Variants in LOXHD1 observed in about 807,000 individuals in gnomAD.
The protein encoded by LOXHD1 is lipoxygenase homology PLAT domains 1.
Under a neutral mutation model 248.2 loss-of-function variants are expected in LOXHD1, and 205 were observed. The observed-to-expected ratio is 0.83, with a 90% CI of 0.74 to 0.93. The LOEUF (loss-of-function observed/expected upper bound fraction) is 0.93, where lower values mean the gene tolerates loss of function less well. Ranked by LOEUF, LOXHD1 falls within the 40% of genes least tolerant of loss-of-function variation. The probability of loss-of-function intolerance (pLI) is 0.00; values close to 1 mark genes in which losing one functional copy is unlikely to be tolerated. For synonymous variants in LOXHD1, 1,113 were observed against 1,162.8 expected (o/e 0.96, Z 0.87); for missense variants, 2,930 against 2,971.6 (o/e 0.99, Z 0.33).
At position 46,494,851 on chromosome 18, in the gene LOXHD1, T is replaced by C. The variant is rs1200482552; in HGVS notation, c.5879-5709A>G. 1.1e-3 allele frequency among the ~76,000 whole-genome samples: 77 copies of C among 70,214 alleles called. No homozygotes were observed. In the East Asian group the frequency reaches 0.029, roughly 27 times the overall value. 46.1% of individuals were successfully genotyped at this position (70,214 alleles called of 152,430 possible). A position where few individuals can be genotyped will look rare whatever the true frequency, so the allele number is the denominator to read the frequency against. ...TTCTTTCTCCTTTTTCTCTCTCTCT[T>C]TTTTTTTTTTTTTTTTTTTTGAGAC... On this transcript the variant is annotated intron_variant, in intron 37 of 40. Transcript: ENST00000642948.
chr18:46,648,073 A>C (rs113857962), intron 2 of LOXHD1, among the ~76,000 whole-genome samples: 1,907 of 152,286 alleles, frequency 0.013, 32 homozygotes, highest in African/African-American at 0.044. Context: ...CCTTGCCAAC[A>C]TGGTGAAACC....
Position 46,593,667 on chromosome 18 carries a change from C to G in LOXHD1, c.1364G>C (p.Arg455Pro). The change falls in exon 10 of 41, where the codon CGG (arginine) becomes CCG (proline). Residue 455 changes from arginine (R) to proline (P), a missense_variant. Transcript: ENST00000642948. Reference sequence around the variant, plus strand: ...GGGATTCAGGAGAATCTCATCTGTCCGCCCCTTCTGCCCATAAATCTGGAT... The same window carrying G: ...GGGATTCAGGAGAATCTCATCTGTCGGCCCCTTCTGCCCATAAATCTGGAT... ...IFIQIYGQKG[R>P]TDEILLNPNN... 6.4e-7 allele frequency: 1 copy of G among 1,552,260 alleles called. No individual in the cohort carries two copies. Among genetic ancestry groups the G allele is most frequent in the Non-Finnish European group, 8.7e-7 (1 of 1,147,102 alleles).
intron 14 of LOXHD1, among the ~76,000 whole-genome samples, chr18:46,576,480 C>A (rs1465110922): frequency 6.6e-6 from 1 of 152,140 alleles, no homozygotes; most frequent in African/African-American, 2.4e-5. Flanking sequence ...CATGCCATTT[C>A]TTCAGCCTAG....
chr18:46,499,278 G>C (rs2034075271), intron 37 of LOXHD1, among the ~76,000 whole-genome samples: 1 of 152,178 alleles, frequency 6.6e-6, no homozygotes, highest in Admixed American at 6.6e-5. Context: ...CATGGAGAAG[G>C]TGATATTAAT....
chr18:46,479,781 A>C (rs879556192), intron 40 of LOXHD1, among the ~76,000 whole-genome samples: 31 of 151,928 alleles, frequency 2.0e-4, no homozygotes, highest in African/African-American at 3.1e-4. Context: ...AAAAAACAAA[A>C]AAAAAAACAC....
In LOXHD1 at chr18:46,601,435, C is replaced by A; in HGVS notation, c.916G>T (p.Asp306Tyr). 1.3e-6 allele frequency: 2 copies of A among 1,551,736 alleles called. No individual in the cohort carries two copies. Among genetic ancestry groups the A allele is most frequent in the Non-Finnish European group, 1.7e-6 (2 of 1,147,012 alleles). Residue 306 changes from aspartate (D) to tyrosine (Y), a missense_variant, in exon 8 of 41, where the codon GAT becomes TAT. Asp to Tyr is a radical substitution (Grantham distance 160). Transcript: ENST00000642948. The part of the protein sequence containing the change: ...ITYIVTVFTG[D>Y]VRGAGTKSKI... The stretch of plus-strand genomic sequence containing the variant: ...GATTTGGTACCAGCCCCCCGGACAT[C>A]CCCAGTGAAGACGGTGACAATATAC...
chr18:46,614,553 A>T (rs1378450157), intron 5 of LOXHD1, among the ~76,000 whole-genome samples: 2 of 152,100 alleles, frequency 1.3e-5, no homozygotes, highest in African/African-American at 4.8e-5. Context: ...GGAACATCAC[A>T]TACTGGGGCC....
intron 37 of LOXHD1, among the ~76,000 whole-genome samples, chr18:46,491,466 A>G (rs968634352): frequency 6.6e-6 from 1 of 152,242 alleles, no homozygotes; most frequent in Non-Finnish European, 1.5e-5. Context: ...TCCTAGAGCG[A>G]CACCTTGAGA....
At chr18:46,505,324 G>C (rs1407788101) in intron 37 of LOXHD1, among the ~76,000 whole-genome samples, 1 of 151,986 alleles carries the variant, frequency 6.6e-6, no homozygotes, top group Non-Finnish European at 1.5e-5. Context: ...GGGACCACGG[G>C]TGCATGCCAC....
At chr18:46,576,486 C>T (rs1173109838) in intron 14 of LOXHD1, among the ~76,000 whole-genome samples, 1 of 152,124 alleles carries the variant, frequency 6.6e-6, no homozygotes, top group Non-Finnish European at 1.5e-5. Context: ...ATTTCTTCAG[C>T]CTAGGTGGCC....
rs889110926 is a variant in LOXHD1 at position 46,534,334 on chromosome 18, C to T, written c.4212+1G>A. On this transcript the variant is annotated splice_donor_variant, in intron 27 of 40. Coordinates refer to ENST00000642948, the MANE Select transcript of LOXHD1 (RefSeq NM_001384474.1). LOFTEE classifies it high-confidence loss of function. ...GCAGGACAGACCAGTCAACAACTCA[C>T]GTCTTTATCCGGGAGGAGCCTGCGG... 2.4e-5 allele frequency: 37 copies of T among 1,549,080 alleles called. No homozygotes were observed. The East Asian group carries it at 7.1e-4, about 30-fold the overall frequency.
Position 46,643,757 on chromosome 18 carries a change from C to A in LOXHD1, c.246-1721G>T, listed in dbSNP as rs533841769. ...TGATCTTTAGAATAAATAGACAAAG[C>A]CTCTCCATCAAATAAACACCCTAAG... On this transcript the variant is annotated intron_variant, in intron 2 of 40. Transcript: ENST00000642948. Among the ~76,000 whole-genome samples the A allele has an allele frequency of 2.6e-5, 4 of 152,196 alleles. No homozygotes were observed. The East Asian group carries it at 7.7e-4, about 29-fold the overall frequency.
chr18:46,585,181 A>G (rs116695491), intron 12 of LOXHD1, among the ~76,000 whole-genome samples: 2,990 of 152,244 alleles, frequency 0.02, 100 homozygotes, highest in African/African-American at 0.068. Flanking sequence ...CTTGTATTCA[A>G]TGTGGTGCTG....
intron 33 of LOXHD1, chr18:46,518,810 C>T: frequency 1.1e-6 from 1 of 923,858 alleles, no homozygotes; most frequent in Non-Finnish European, 1.3e-6. Context: ...GTGTCAGTTC[C>T]CCTTCATGCC....
intron 5 of LOXHD1, among the ~76,000 whole-genome samples, chr18:46,616,339 A>G (rs1041319679): frequency 6.6e-6 from 1 of 152,156 alleles, no homozygotes; most frequent in South Asian, 2.1e-4. Flanking sequence ...ACTTATTAAA[A>G]TCTACAGTTA....
At chr18:46,608,562 A>AG (rs2038457611) in intron 6 of LOXHD1, among the ~76,000 whole-genome samples, 1 of 152,170 alleles carries the variant, frequency 6.6e-6, no homozygotes. Flanking sequence ...GCCCTGGCTG[A>AG]GGTCATAAAA....
chr18:46,576,071 GT>G (rs982345828), intron 14 of LOXHD1, among the ~76,000 whole-genome samples: 2 of 152,036 alleles, frequency 1.3e-5, no homozygotes, highest in Non-Finnish European at 2.9e-5. Context: ...CCCCTGCACC[GT>G]TGTGTGTTTC....
Position 46,516,421 on chromosome 18 carries a change from GCTA to G in LOXHD1, c.5399+1705_5399+1707del, listed in dbSNP as rs1215407916. On this transcript the variant is annotated intron_variant, in intron 34 of 40. Coordinates refer to ENST00000642948, the MANE Select transcript of LOXHD1 (RefSeq NM_001384474.1). ...AGTTGCAAAATGAGACAGCAGAAGT[GCTA>G]AAAGAAGACAGACACAAAATCAGAC... Among the ~76,000 whole-genome samples the G allele has an allele frequency of 2.0e-5, 3 of 152,304 alleles. No homozygotes were observed. In the South Asian group the frequency reaches 6.2e-4, roughly 32 times the overall value.
intron 40 of LOXHD1, among the ~76,000 whole-genome samples, chr18:46,478,937 A>T (rs907513239): frequency 2.0e-5 from 3 of 152,118 alleles, no homozygotes; most frequent in Non-Finnish European, 2.9e-5. Context: ...GCCTCAAGCA[A>T]TTCTCCTGCG....
Sources: gnomAD v4.1 joint callset for allele counts (sites outside exome capture counted in the v4.1 genomes callset) on GRCh38, gnomAD v4.1.1 for gene constraint, MANE v1.5 for transcripts, NCBI Gene and HGNC (gene_info 2026-07-23, HGNC 2026-07-21) for gene names.